TRHDE: variants seen among roughly 807,000 people sequenced by gnomAD.
TRHDE encodes thyrotropin-releasing hormone-degrading ectoenzyme.
TRHDE carries 72 observed loss-of-function variants against 125.7 expected under a neutral mutation model. The observed-to-expected ratio is 0.57, with a 90% CI of 0.47 to 0.70. TRHDE has a LOEUF of 0.70. Ranked by LOEUF, TRHDE falls within the 30% of genes least tolerant of loss-of-function variation. The pLI is 0.00. For missense variants in TRHDE, 1,110 were observed against 1,327.1 expected (o/e 0.84, Z 2.54); for synonymous variants, 509 against 509.1 (o/e 1.00, Z 0.00).
chr12:72,540,539 G>A (rs1365740650), intron 6 of TRHDE, among the ~76,000 whole-genome samples: 1 of 151,742 alleles, frequency 6.6e-6, no homozygotes. Context: ...ATTCAGTGCT[G>A]AAGGAAAGTT....
At chr12:72,129,703 A>T (rs909791653) in intron 2 of TRHDE, among the ~76,000 whole-genome samples, 5 of 152,334 alleles carry the variant, frequency 3.3e-5, no homozygotes, top group Non-Finnish European at 1.5e-5. Flanking sequence ...AGTTAAAAAA[A>T]TATATACACA....
At chr12:72,233,557 T>C (rs2139375584) in intron 2 of TRHDE, among the ~76,000 whole-genome samples, 1 of 152,270 alleles carries the variant, frequency 6.6e-6, no homozygotes, top group South Asian at 2.1e-4. Context: ...CTAAGTTAAA[T>C]GCAATTCATA....
At chr12:72,142,775 A>T (rs936973606) in intron 2 of TRHDE, among the ~76,000 whole-genome samples, 12 of 152,124 alleles carry the variant, frequency 7.9e-5, no homozygotes, top group Non-Finnish European at 1.5e-4. Flanking sequence ...GATGAGGAAC[A>T]TCTGGACGCC....
chr12:72,368,519 A>G (rs1372193464), intron 2 of TRHDE, among the ~76,000 whole-genome samples: 1 of 152,134 alleles, frequency 6.6e-6, no homozygotes, highest in Non-Finnish European at 1.5e-5. Flanking sequence ...TTTAGATAGA[A>G]CTTTTCTGAA....
chr12:72,302,920 A>G (rs1868283646), intron 2 of TRHDE, among the ~76,000 whole-genome samples: 1 of 152,158 alleles, frequency 6.6e-6, no homozygotes, highest in Non-Finnish European at 1.5e-5. Context: ...TCCTGGCCTC[A>G]GCTAACTAGG....
At position 72,286,220 on chromosome 12, in the gene TRHDE, T is replaced by C. The variant is rs377719504; in HGVS notation, c.915-461T>C. The stretch of plus-strand genomic sequence containing the variant: ...TGAACAAAACCAGGCTGTGTCTTGT[T>C]GAAATTTTAGGGCACAGAGATTTCC... On this transcript the variant is annotated intron_variant, in intron 1 of 18. Transcript: ENST00000261180. 5.3e-5 allele frequency among the ~76,000 whole-genome samples: 8 copies of C among 152,374 alleles called. No individual in the cohort carries two copies. In the East Asian group the frequency reaches 7.7e-4, roughly 15 times the overall value.
chr12:72,188,749 A>G (rs1877280047), intron 2 of TRHDE, among the ~76,000 whole-genome samples: 1 of 152,244 alleles, frequency 6.6e-6, no homozygotes, highest in Non-Finnish European at 1.5e-5. Context: ...AAAAAATCAG[A>G]ATAAATTAAG....
At chr12:72,375,114 A>G (rs1871814281) in intron 2 of TRHDE, among the ~76,000 whole-genome samples, 1 of 152,124 alleles carries the variant, frequency 6.6e-6, no homozygotes, top group Admixed American at 6.5e-5. Context: ...CTTGGATAGG[A>G]GCTTAGTCAG....
intron 2 of TRHDE, among the ~76,000 whole-genome samples, chr12:72,341,214 A>T (rs892313257): frequency 6.6e-6 from 1 of 151,332 alleles, no homozygotes; most frequent in Non-Finnish European, 1.5e-5. Flanking sequence ...TACACGTGCC[A>T]TGTTGGTTTG....
Position 72,663,353 on chromosome 12 carries a change from G to T in TRHDE, c.*158G>T. The T allele has an allele frequency of 1.9e-6, 1 of 526,642 alleles. No individual in the cohort carries two copies. Among genetic ancestry groups the T allele is most frequent in the Non-Finnish European group, 3.2e-6 (1 of 314,964 alleles). The allele number at this position is 526,642 out of a possible 1,614,324, so 32.6% of individuals were successfully genotyped here. On this transcript the variant is annotated 3_prime_UTR_variant, in exon 19 of 19. Transcript: ENST00000261180. ...TTAGTTTTTATTTTTTGGTTTTGGG[G>T]GATATTTTTTATTTGTTTCATTCAT...
chr12:72,521,489 C>A (rs183366967), intron 6 of TRHDE, among the ~76,000 whole-genome samples: 1 of 152,260 alleles, frequency 6.6e-6, no homozygotes, highest in East Asian at 1.9e-4. Flanking sequence ...GGTTTGGCTT[C>A]TACAGAGTAG....
chr12:72,322,200 G>A (rs1300843528), intron 2 of TRHDE, among the ~76,000 whole-genome samples: 2 of 152,082 alleles, frequency 1.3e-5, no homozygotes, highest in African/African-American at 2.4e-5. Flanking sequence ...AGCTGAGGTC[G>A]AACAAGGAGA....
intron 2 of TRHDE, among the ~76,000 whole-genome samples, chr12:72,160,443 G>A (rs1296540765): frequency 6.6e-6 from 1 of 152,078 alleles, no homozygotes; most frequent in Non-Finnish European, 1.5e-5. Flanking sequence ...CCAACACTTC[G>A]GGAGGCCAAG....
chr12:72,122,858 C>A lies in TRHDE; in HGVS notation n.279+17106C>A, dbSNP rs578087446. 1.4e-3 allele frequency among the ~76,000 whole-genome samples: 209 copies of A among 152,046 alleles called. 1 individual carries two copies. Among genetic ancestry groups the A allele is most frequent in the African/African-American group, 4.6e-3 (191 of 41,488 alleles). On this transcript the variant is annotated intron_variant and non_coding_transcript_variant, in intron 2 of 4. Transcript: ENST00000548156. The stretch of plus-strand genomic sequence containing the variant: ...TATTTTTAAAAAATATATTTAAATA[C>A]GTAGTACACAGCCTTTTAAAACATA...
At chr12:72,406,729 T>C (rs1873281802) in intron 3 of TRHDE, among the ~76,000 whole-genome samples, 1 of 152,214 alleles carries the variant, frequency 6.6e-6, no homozygotes, top group East Asian at 1.9e-4. Context: ...TTTAGTACAA[T>C]TTAGCACATC....
intron 12 of TRHDE, chr12:72,611,200 T>C: frequency 5.0e-6 from 1 of 201,506 alleles, no homozygotes; most frequent in East Asian, 1.2e-4. Context: ...TGTGCTGATC[T>C]GCAGGCCAAA....
chr12:72,144,789 C>A (rs982681354), intron 2 of TRHDE, among the ~76,000 whole-genome samples: 1 of 152,202 alleles, frequency 6.6e-6, no homozygotes, highest in African/African-American at 2.4e-5. Flanking sequence ...AATAACAATG[C>A]TATTCTGTGA....
intron 2 of TRHDE, among the ~76,000 whole-genome samples, chr12:72,241,963 G>A (rs1392098049): frequency 6.6e-6 from 1 of 152,134 alleles, no homozygotes; most frequent in African/African-American, 2.4e-5. Flanking sequence ...TGTCCACTGT[G>A]ATGAAGTTCA....
chr12:72,552,117 G>C (rs977197161), intron 7 of TRHDE, among the ~76,000 whole-genome samples: 1 of 152,146 alleles, frequency 6.6e-6, no homozygotes, highest in African/African-American at 2.4e-5. Flanking sequence ...ATTATTCCAA[G>C]TGCTGTATTA....
Sources: allele counts gnomAD v4.1 joint callset (sites outside exome capture counted in the v4.1 genomes callset), GRCh38; gene constraint gnomAD v4.1.1; transcripts MANE v1.5; gene names NCBI Gene and HGNC (gene_info 2026-07-23, HGNC 2026-07-21).